Variants in NLN observed in about 807,000 individuals in gnomAD.
NLN encodes the protein neurolysin, mitochondrial.
In NLN, 64 loss-of-function variants were observed where a neutral mutation model predicts 79.9. The observed-to-expected ratio is 0.80, with a 90% CI of 0.65 to 0.99. The LOEUF (loss-of-function observed/expected upper bound fraction) is 0.99. NLN is among the 50% of genes least tolerant of loss of function. The probability of loss-of-function intolerance (pLI) is 0.00; values close to 1 mark genes in which losing one functional copy is unlikely to be tolerated. For synonymous variants in NLN, 267 were observed against 296.6 expected, an observed-to-expected ratio of 0.90 and a Z score of 1.02; for missense variants, 835 against 858.7, an observed-to-expected ratio of 0.97 and a Z score of 0.34.
In NLN at chr5:65,794,263, A is replaced by G. The variant is rs115946395; in HGVS notation, c.1527+1608A>G. Reference sequence around the variant, plus strand: ...TTCAAAAGAAAGTAATCTCACTTCAACTTACACAGTAGATCCTAGTACTTG... The same window carrying G: ...TTCAAAAGAAAGTAATCTCACTTCAGCTTACACAGTAGATCCTAGTACTTG... On this transcript the variant is annotated intron_variant, in intron 9 of 12. Transcript: ENST00000380985. Among the ~76,000 whole-genome samples the G allele has an allele frequency of 1.4e-3, 216 of 152,324 alleles. 3 individuals carry two copies. Among genetic ancestry groups the G allele is most frequent in the African/African-American group, 5.0e-3 (209 of 41,576 alleles).
At position 65,827,116 on chromosome 5, in the gene NLN, T is replaced by G. The variant is rs1160142741; in HGVS notation, c.*4201T>G. 2 of 151,816 alleles carry G rather than the reference T, an allele frequency of 1.3e-5. No individual in the cohort carries two copies. Among genetic ancestry groups the G allele is most frequent in the Non-Finnish European group, 2.9e-5 (2 of 67,992 alleles). The allele number at this position is 151,816 out of a possible 1,614,324, so 9.4% of individuals were successfully genotyped here. ...AAATATTAGACCAAAATAGCCTTTT[T>G]TAACAAACACAATAATGCTGTACGT... On this transcript the variant is annotated 3_prime_UTR_variant, in exon 13 of 13. Coordinates refer to ENST00000380985, the MANE Select transcript of NLN (RefSeq NM_020726.5).
intron 5 of NLN, among the ~76,000 whole-genome samples, chr5:65,780,527 C>CTT (rs879391184): frequency 1.2e-4 from 17 of 146,044 alleles, no homozygotes; most frequent in African/African-American, 4.3e-4. Context: ...ACTTAATAAT[C>CTT]TTTTTTTTTT....
chr5:65,740,328 T>A (rs1265692915), intron 1 of NLN, among the ~76,000 whole-genome samples: 1 of 152,084 alleles, frequency 6.6e-6, no homozygotes. Flanking sequence ...GATCTACTCT[T>A]CTGATAACTA....
rs2150742278 is a variant in NLN, at chr5:65,750,729, GAGAA to G, written c.42-7834_42-7831del. Among the ~76,000 whole-genome samples, 2 of 151,150 alleles carry G rather than the reference GAGAA, an allele frequency of 1.3e-5. 1 individual carries two copies. The highest frequency in any genetic ancestry group is 4.9e-5 in the African/African-American group (2 of 41,100). ...AGACTTTGTCTTTTTAAAAAGTAAA[GAGAA>G]AGAGAGAGAGAGAAAAATAAAGAAA... On this transcript the variant is annotated intron_variant, in intron 1 of 12. Transcript: ENST00000380985.
At chr5:65,809,486 T>TAA in intron 9 of NLN, 29 bp from the exon 10 acceptor site, 2 of 1,556,540 alleles carry the variant, frequency 1.3e-6, no homozygotes, top group Non-Finnish European at 1.7e-6. Flanking sequence ...TTGAGTTCTT[T>TAA]AAAAAAATTC....
intron 1 of NLN, 41 bp downstream of exon 1, chr5:65,722,455 C>T (rs773928294): frequency 5.2e-6 from 8 of 1,541,084 alleles, no homozygotes; most frequent in South Asian, 4.8e-5. Flanking sequence ...GTGGGCAGGG[C>T]GGGGTCTTTC....
intron 1 of NLN, among the ~76,000 whole-genome samples, chr5:65,738,261 A>G (rs1758776029): frequency 6.6e-6 from 1 of 152,120 alleles, no homozygotes; most frequent in African/African-American, 2.4e-5. Flanking sequence ...ATGGAAGATC[A>G]GGGAAAAGAT....
chr5:65,731,835 C>G lies in NLN; in HGVS notation c.41+9421C>G, dbSNP rs544972650. Among the ~76,000 whole-genome samples the G allele has an allele frequency of 7.6e-5, 11 of 145,330 alleles. No individual in the cohort carries two copies. The South Asian group carries it at 2.4e-3, about 32-fold the overall frequency. Reference sequence around the variant, plus strand: ...GAACAATCTCATCTCTCTGTAACCTCTGCCTCCCAGTCTCAAGCAGTCCTC... The same window carrying G: ...GAACAATCTCATCTCTCTGTAACCTGTGCCTCCCAGTCTCAAGCAGTCCTC... On this transcript the variant is annotated intron_variant, in intron 1 of 12. Transcript: ENST00000380985.
chr5:65,766,859 A>T (rs1467683946), intron 3 of NLN, among the ~76,000 whole-genome samples: 1 of 152,232 alleles, frequency 6.6e-6, no homozygotes. Flanking sequence ...GCCCTATGCA[A>T]GTCCAAAACC....
chr5:65,780,541 A>G (rs572937123), intron 5 of NLN, among the ~76,000 whole-genome samples: 2 of 150,848 alleles, frequency 1.3e-5, no homozygotes, highest in Non-Finnish European at 3.0e-5. Context: ...TTTTTTTTTC[A>G]TAATTTTTCT....
chr5:65,778,247 G>T (rs1759723652), intron 4 of NLN, among the ~76,000 whole-genome samples: 2 of 152,178 alleles, frequency 1.3e-5, no homozygotes, highest in Admixed American at 1.3e-4. Flanking sequence ...TGCCAGTCAA[G>T]TCTTCCAGGT....
intron 2 of NLN, among the ~76,000 whole-genome samples, chr5:65,762,455 T>C (rs979642461): frequency 6.6e-6 from 1 of 151,916 alleles, no homozygotes; most frequent in Non-Finnish European, 1.5e-5. Flanking sequence ...GAGGCTGAGG[T>C]GGGAGGATGA....
chr5:65,740,115 C>T (rs769680020), intron 1 of NLN, among the ~76,000 whole-genome samples: 23 of 152,068 alleles, frequency 1.5e-4, no homozygotes, highest in Non-Finnish European at 1.3e-4. Flanking sequence ...TGTCTTAGTT[C>T]ATTTTCTGTT....
intron 11 of NLN, among the ~76,000 whole-genome samples, chr5:65,811,928 A>G (rs1007928066): frequency 1.3e-5 from 2 of 152,216 alleles, no homozygotes; most frequent in African/African-American, 4.8e-5. Flanking sequence ...TTATTTTTCA[A>G]AACACATACA....
chr5:65,765,507 A>C (rs1363601913), intron 3 of NLN, among the ~76,000 whole-genome samples: 1 of 152,030 alleles, frequency 6.6e-6, no homozygotes, highest in African/African-American at 2.4e-5. Flanking sequence ...AACAAGAGCA[A>C]AACTTCATCT....
At chr5:65,740,630 G>A (rs1192362092) in intron 1 of NLN, among the ~76,000 whole-genome samples, 2 of 151,850 alleles carry the variant, frequency 1.3e-5, no homozygotes, top group African/African-American at 2.4e-5. Flanking sequence ...TCGACTGCAT[G>A]TGAATCTCCA....
At chr5:65,730,005 G>T (rs1180104554) in intron 1 of NLN, among the ~76,000 whole-genome samples, 5 of 152,152 alleles carry the variant, frequency 3.3e-5, no homozygotes, top group Non-Finnish European at 7.3e-5. Context: ...TAAGTTCTCC[G>T]TATCTGTTTC....
chr5:65,741,525 A>G (rs1758868801), intron 1 of NLN, among the ~76,000 whole-genome samples: 1 of 152,210 alleles, frequency 6.6e-6, no homozygotes, highest in South Asian at 2.1e-4. Context: ...TTATGTGTAA[A>G]TGACACACAC....
chr5:65,736,712 G>A (rs1402482388), intron 1 of NLN, among the ~76,000 whole-genome samples: 1 of 152,120 alleles, frequency 6.6e-6, no homozygotes, highest in African/African-American at 2.4e-5. Context: ...GCCTGTTTAT[G>A]TCTTTTGCCC....
Sources: gnomAD v4.1 joint callset for allele counts (sites outside exome capture counted in the v4.1 genomes callset) on GRCh38, gnomAD v4.1.1 for gene constraint, MANE v1.5 for transcripts, NCBI Gene and HGNC (gene_info 2026-07-23, HGNC 2026-07-21) for gene names.